Variants in SEMA5A observed in about 807,000 individuals in gnomAD.
SEMA5A encodes semaphorin 5A, also known as semaphorin-5A.
SEMA5A carries 55 observed loss-of-function variants against 135.5 expected under a neutral mutation model. The observed-to-expected ratio is 0.41, with a 90% CI of 0.33 to 0.51. The LOEUF (loss-of-function observed/expected upper bound fraction) is 0.51, where lower values mean the gene tolerates loss of function less well. SEMA5A is among the 20% of genes least tolerant of loss of function. The pLI is 0.37. For missense variants in SEMA5A, 1,290 were observed against 1,419.9 expected (o/e 0.91, Z 1.47); for synonymous variants, 580 against 546.5 (o/e 1.06, Z -0.85).
At chr5:9,044,844 G>A (rs1486125290) in intron 21 of SEMA5A, among the ~76,000 whole-genome samples, 1 of 152,086 alleles carries the variant, frequency 6.6e-6, no homozygotes, top group Non-Finnish European at 1.5e-5. Context: ...GAGTGCAATG[G>A]CATGATCTCA....
chr5:9,440,165 G>A (rs1371126366), intron 1 of SEMA5A, among the ~76,000 whole-genome samples: 1 of 152,224 alleles, frequency 6.6e-6, no homozygotes, highest in Non-Finnish European at 1.5e-5. Context: ...CCAAGCTAGA[G>A]GAACAGACAA....
rs191767364 is a variant in SEMA5A at position 9,065,287 on chromosome 5, A to C, written c.2299+1134T>G. Among the ~76,000 whole-genome samples, 57 of 152,320 alleles carry C rather than the reference A, an allele frequency of 3.7e-4. 1 individual carries two copies. The East Asian group carries it at 8.9e-3, about 24-fold the overall frequency. On this transcript the variant is annotated intron_variant, in intron 17 of 22. Transcript: ENST00000382496. ...GCATCCAGGCTGTTCACCAGCTCCC[A>C]GGAGAAGTCATGGTGATCTGTGACA...
chr5:9,194,545 A>T (rs1268854542), intron 10 of SEMA5A, among the ~76,000 whole-genome samples: 43 of 152,210 alleles, frequency 2.8e-4, no homozygotes, highest in Non-Finnish European at 2.2e-4. Context: ...TTCCCACTCT[A>T]TGCCAGTCTG....
intron 2 of SEMA5A, among the ~76,000 whole-genome samples, chr5:9,392,697 T>G (rs1235036260): frequency 1.3e-5 from 2 of 152,232 alleles, no homozygotes; most frequent in African/African-American, 4.8e-5. Flanking sequence ...GATTTTATTT[T>G]GTTCTCTTGC....
intron 5 of SEMA5A, among the ~76,000 whole-genome samples, chr5:9,305,704 G>T (rs1290633813): frequency 3.6e-5 from 2 of 54,878 alleles, no homozygotes; most frequent in African/African-American, 1.1e-4. Context: ...CTGTGTGTGT[G>T]TGCGTATATA....
intron 2 of SEMA5A, among the ~76,000 whole-genome samples, chr5:9,436,995 G>A (rs1460410869): frequency 1.3e-5 from 2 of 152,236 alleles, no homozygotes; most frequent in African/African-American, 4.8e-5. Context: ...CCACAGGAAG[G>A]AGGAAATTGT....
chr5:9,427,906 T>A (rs897026467), intron 2 of SEMA5A, among the ~76,000 whole-genome samples: 9 of 152,148 alleles, frequency 5.9e-5, no homozygotes, highest in African/African-American at 1.9e-4. Flanking sequence ...CCTGCCTTAG[T>A]GCACCTAATG....
At chr5:9,502,533 G>C (rs1735649354) in intron 1 of SEMA5A, among the ~76,000 whole-genome samples, 1 of 152,190 alleles carries the variant, frequency 6.6e-6, no homozygotes, top group Non-Finnish European at 1.5e-5. Context: ...GCTTTCAGCT[G>C]TGGGTATCTC....
At chr5:9,537,045 C>A (rs899415604) in intron 1 of SEMA5A, among the ~76,000 whole-genome samples, 1 of 151,990 alleles carries the variant, frequency 6.6e-6, no homozygotes, top group Admixed American at 6.6e-5. Context: ...TAGAGGCTAA[C>A]ATTTGGATGC....
intron 2 of SEMA5A, among the ~76,000 whole-genome samples, chr5:9,434,312 A>T (rs1757957477): frequency 6.6e-6 from 1 of 152,220 alleles, no homozygotes; most frequent in Non-Finnish European, 1.5e-5. Flanking sequence ...AAAATATTCC[A>T]TAAAAGACTA....
intron 11 of SEMA5A, among the ~76,000 whole-genome samples, chr5:9,182,467 C>T (rs1744574473): frequency 6.6e-6 from 1 of 152,112 alleles, no homozygotes. Context: ...TCCTGATTGT[C>T]CCCTCACCCA....
At chr5:9,343,884 C>T (rs1398195139) in intron 3 of SEMA5A, among the ~76,000 whole-genome samples, 2 of 152,116 alleles carry the variant, frequency 1.3e-5, no homozygotes, top group African/African-American at 2.4e-5. Flanking sequence ...CAACCCCATG[C>T]CACGTGTACC....
At chr5:9,471,775 TAGCTAAACGATAC>T (rs1292947828) in intron 1 of SEMA5A, among the ~76,000 whole-genome samples, 10 of 152,334 alleles carry the variant, frequency 6.6e-5, no homozygotes, top group East Asian at 1.9e-4. Context: ...ATTAAATACC[TAGCTAAACGATAC>T]AGCTAAACGA....
At chr5:9,360,616 AAAT>A (rs1254277807) in intron 3 of SEMA5A, among the ~76,000 whole-genome samples, 10 of 152,222 alleles carry the variant, frequency 6.6e-5, no homozygotes, top group Non-Finnish European at 1.2e-4. Flanking sequence ...ACTGCAATGA[AAAT>A]AATGACACCC....
At chr5:9,182,422 C>T (rs2150330466) in intron 11 of SEMA5A, among the ~76,000 whole-genome samples, 1 of 152,288 alleles carries the variant, frequency 6.6e-6, no homozygotes, top group South Asian at 2.1e-4. Flanking sequence ...ATAGGTGTTC[C>T]ATTATCACTT....
chr5:9,057,260 A>G (rs572672252), intron 18 of SEMA5A, among the ~76,000 whole-genome samples: 1 of 152,352 alleles, frequency 6.6e-6, no homozygotes, highest in East Asian at 1.9e-4. Flanking sequence ...AAATCTGTTA[A>G]GTAGGTAGAT....
chr5:9,139,871 C>G (rs1741969203), intron 12 of SEMA5A, among the ~76,000 whole-genome samples: 1 of 152,122 alleles, frequency 6.6e-6, no homozygotes, highest in Non-Finnish European at 1.5e-5. Flanking sequence ...AACATCACTC[C>G]CCCGATTCCT....
Position 9,335,598 on chromosome 5 carries a change from T to C in SEMA5A, c.224+2115A>G, listed in dbSNP as rs1466880699. Among the ~76,000 whole-genome samples the C allele has an allele frequency of 3.3e-5, 5 of 152,310 alleles. No individual in the cohort carries two copies. The South Asian group carries it at 6.2e-4, about 19-fold the overall frequency. The stretch of plus-strand genomic sequence containing the variant: ...AGGGATGCAAGACTCAAAACACTAA[T>C]TGGGGTCACATTTGTACCTGCCCCA... On this transcript the variant is annotated intron_variant, in intron 4 of 22. Coordinates refer to ENST00000382496, the MANE Select transcript of SEMA5A (RefSeq NM_003966.3).
chr5:9,237,899 A>C lies in SEMA5A; in HGVS notation c.271-9T>G, dbSNP rs1747995912. Reference sequence around the variant, plus strand: ...CACTCCCATTCCACAGCCTGTAGAAAACACCAAAACAATAGCAGTCATGGT... The same window carrying C: ...CACTCCCATTCCACAGCCTGTAGAACACACCAAAACAATAGCAGTCATGGT... On this transcript the variant is annotated splice_polypyrimidine_tract_variant and intron_variant, in intron 5 of 22. Coordinates refer to ENST00000382496, the MANE Select transcript of SEMA5A (RefSeq NM_003966.3). 6.2e-7 allele frequency: 1 copy of C among 1,613,146 alleles called. No homozygotes were observed. The highest frequency in any genetic ancestry group is 1.7e-5 in the Admixed American group (1 of 59,968).
Sources: allele counts gnomAD v4.1 joint callset (sites outside exome capture counted in the v4.1 genomes callset), GRCh38; gene constraint gnomAD v4.1.1; transcripts MANE v1.5; gene names NCBI Gene and HGNC (gene_info 2026-07-23, HGNC 2026-07-21).